Variants in RCAN2 observed in about 807,000 individuals in gnomAD.
The protein encoded by RCAN2 is calcipressin-2.
In RCAN2, 9 loss-of-function variants were observed where a neutral mutation model predicts 23.6. That is an observed-to-expected ratio of 0.38 (90% CI 0.23 to 0.67). The LOEUF is 0.67. Among genes scored for constraint, RCAN2 ranks in the 30% least tolerant of loss-of-function variants. RCAN2 has a pLI of 0.51. For missense variants in RCAN2, 273 were observed against 302.3 expected (o/e 0.90, Z 0.72); for synonymous variants, 109 against 115.7 (o/e 0.94, Z 0.37).
At chr6:46,256,501 T>C (rs1582036554) in intron 2 of RCAN2, among the ~76,000 whole-genome samples, 2 of 152,208 alleles carry the variant, frequency 1.3e-5, no homozygotes, top group South Asian at 2.1e-4. Flanking sequence ...ATATTTGAAA[T>C]AAAATGATTA....
intron 2 of RCAN2, among the ~76,000 whole-genome samples, chr6:46,371,820 G>A (rs995909035): frequency 2.1e-4 from 32 of 152,188 alleles, no homozygotes; most frequent in African/African-American, 7.2e-4. Context: ...AGATCGAAGG[G>A]TGGGCAACCA....
chr6:46,372,457 C>T (rs1765348758), intron 2 of RCAN2, among the ~76,000 whole-genome samples: 7 of 152,182 alleles, frequency 4.6e-5, no homozygotes, highest in Admixed American at 2.0e-4. Context: ...GTGCTCTTAA[C>T]CATGGGCTGT....
intron 2 of RCAN2, among the ~76,000 whole-genome samples, chr6:46,329,267 A>G (rs529502986): frequency 3.9e-5 from 6 of 152,118 alleles, no homozygotes; most frequent in Non-Finnish European, 8.8e-5. Context: ...GTATTCCCCA[A>G]TCAGCTAAAA....
chr6:46,456,079 T>C (rs930623988), intron 2 of RCAN2, among the ~76,000 whole-genome samples: 1 of 152,188 alleles, frequency 6.6e-6, no homozygotes, highest in African/African-American at 2.4e-5. Context: ...TTACTGTGAT[T>C]GCCAAAAACA....
chr6:46,366,364 A>AAGAGG (rs1333666363), intron 2 of RCAN2, among the ~76,000 whole-genome samples: 1 of 152,128 alleles, frequency 6.6e-6, no homozygotes, highest in African/African-American at 2.4e-5. Context: ...ACACTGTAAG[A>AAGAGG]AGAGGCCATT....
chr6:46,378,444 G>A lies in RCAN2; in HGVS notation c.225+78308C>T, dbSNP rs546889993. Among the ~76,000 whole-genome samples the A allele has an allele frequency of 7.2e-5, 11 of 152,170 alleles. No individual in the cohort carries two copies. The South Asian group carries it at 2.3e-3, about 32-fold the overall frequency. ...ATTCTACTGTGTGAGCTTGAGATCT[G>A]GTCTTCTGGTATAGTGATCCTGTCC... On this transcript the variant is annotated intron_variant, in intron 2 of 4. Transcript: ENST00000371374.
chr6:46,226,711 T>C (rs1459262458), intron 4 of RCAN2, among the ~76,000 whole-genome samples: 5 of 152,198 alleles, frequency 3.3e-5, no homozygotes, highest in African/African-American at 1.2e-4. Flanking sequence ...TTTCTAAATA[T>C]ACAATCATGT....
chr6:46,468,877 G>T, intron 1 of RCAN2: 1 of 983,440 alleles, frequency 1.0e-6, no homozygotes, highest in Non-Finnish European at 1.2e-6. Flanking sequence ...TGTTAAATCC[G>T]GAAGGCTGAG....
At chr6:46,293,255 A>T (rs1368826142) in intron 2 of RCAN2, among the ~76,000 whole-genome samples, 1 of 152,182 alleles carries the variant, frequency 6.6e-6, no homozygotes, top group East Asian at 1.9e-4. Context: ...TATTCTTAGC[A>T]TCTTACTGTG....
At chr6:46,487,877 C>A (rs899620065) in intron 1 of RCAN2, among the ~76,000 whole-genome samples, 14 of 152,208 alleles carry the variant, frequency 9.2e-5, no homozygotes, top group African/African-American at 3.1e-4. Flanking sequence ...TTAACCCAAA[C>A]CAATGGTTCT....
chr6:46,389,174 A>T (rs994906113), intron 2 of RCAN2, among the ~76,000 whole-genome samples: 1 of 152,178 alleles, frequency 6.6e-6, no homozygotes, highest in Non-Finnish European at 1.5e-5. Context: ...TGACCACAGG[A>T]TATAGTCTAG....
intron 2 of RCAN2, among the ~76,000 whole-genome samples, chr6:46,391,042 G>A (rs1446524934): frequency 6.6e-6 from 1 of 152,144 alleles, no homozygotes; most frequent in Non-Finnish European, 1.5e-5. Flanking sequence ...GTGTCAGAGG[G>A]GAGAGGTGTA....
chr6:46,260,661 T>C (rs555330015), intron 2 of RCAN2, among the ~76,000 whole-genome samples: 1 of 152,290 alleles, frequency 6.6e-6, no homozygotes, highest in African/African-American at 2.4e-5. Flanking sequence ...ACCCAGGGCT[T>C]GTTCTGGTGG....
intron 2 of RCAN2, among the ~76,000 whole-genome samples, chr6:46,316,205 A>T (rs1360024526): frequency 6.6e-6 from 1 of 152,108 alleles, no homozygotes. Flanking sequence ...AAAGTCCACT[A>T]CTACTGAGGA....
At chr6:46,410,180 C>G (rs187967222) in intron 2 of RCAN2, among the ~76,000 whole-genome samples, 1 of 152,126 alleles carries the variant, frequency 6.6e-6, no homozygotes, top group Non-Finnish European at 1.5e-5. Context: ...AAAAGTTATA[C>G]CATTAGTTTC....
At position 46,451,486 on chromosome 6, in the gene RCAN2, T is replaced by C. The variant is rs142883075; in HGVS notation, c.225+5266A>G. Among the ~76,000 whole-genome samples the C allele has an allele frequency of 2.2e-3, 342 of 152,304 alleles. 4 individuals carry two copies. The highest frequency in any genetic ancestry group is 0.02 in the Middle Eastern group (6 of 294). ...TGAAAAAAGTCTCAGTTTTCAGATG[T>C]TCAGATTTTAGTACTATAGATAAGA... On this transcript the variant is annotated intron_variant, in intron 2 of 4. Coordinates refer to ENST00000371374, the MANE Select transcript of RCAN2 (RefSeq NM_001251974.2).
At chr6:46,355,638 G>A (rs1360002943) in intron 2 of RCAN2, among the ~76,000 whole-genome samples, 2 of 152,172 alleles carry the variant, frequency 1.3e-5, no homozygotes, top group Admixed American at 1.3e-4. Context: ...GTGTCACAAA[G>A]TGGCCAGTCT....
At chr6:46,446,388 C>G (rs1039954457) in intron 2 of RCAN2, among the ~76,000 whole-genome samples, 3 of 151,984 alleles carry the variant, frequency 2.0e-5, no homozygotes, top group African/African-American at 7.2e-5. Context: ...AAAAATACTT[C>G]CCCAGACAAA....
At chr6:46,456,190 T>C (rs1023549253) in intron 2 of RCAN2, among the ~76,000 whole-genome samples, 6 of 152,192 alleles carry the variant, frequency 3.9e-5, no homozygotes, top group African/African-American at 1.4e-4. Context: ...GAGTTGCTGC[T>C]TCATTCAAAT....
Sources: allele counts gnomAD v4.1 joint callset (sites outside exome capture counted in the v4.1 genomes callset), GRCh38; gene constraint gnomAD v4.1.1; transcripts MANE v1.5; gene names NCBI Gene and HGNC (gene_info 2026-07-23, HGNC 2026-07-21).